The following BCL2L11 variants were observed in gnomAD, a reference collection of about 807,000 sequenced individuals.
The protein encoded by BCL2L11 is bcl-2-like protein 11.
A neutral mutation model predicts 20.6 loss-of-function variants in BCL2L11; 15 were observed. The observed-to-expected ratio is 0.73, with a 90% CI of 0.49 to 1.12. BCL2L11 has a LOEUF of 1.12. Ranked by LOEUF, BCL2L11 falls within the 50% of genes most tolerant of loss-of-function variation. BCL2L11 has a pLI of 0.00. For missense variants in BCL2L11, 292 were observed against 260.9 expected, an observed-to-expected ratio of 1.12 and a Z score of -0.82; for synonymous variants, 108 against 92.8, an observed-to-expected ratio of 1.16 and a Z score of -0.94.
At position 111,120,977 on chromosome 2, in the gene BCL2L11, G is replaced by T. The variant is rs2070756598; in HGVS notation, c.-225G>T. 7.1e-6 allele frequency: 2 copies of T among 283,382 alleles called. No homozygotes were observed. The allele number at this position is 283,382 out of a possible 1,614,324, so 17.6% of individuals were successfully genotyped here. A position where few individuals can be genotyped will look rare whatever the true frequency, so the allele number is the denominator to read the frequency against. On this transcript the variant is annotated 5_prime_UTR_variant, in exon 1 of 4. Coordinates refer to ENST00000393256, the MANE Select transcript of BCL2L11 (RefSeq NM_138621.5). Reference sequence around the variant, plus strand: ...GAGCTCTGCGTCCAGCGCCGCTGCCGCTGCCGCCGCCGCCGCCGCCGCCGC... The same window carrying T: ...GAGCTCTGCGTCCAGCGCCGCTGCCTCTGCCGCCGCCGCCGCCGCCGCCGC...
chr2:111,147,370 A>T (rs1396080804), intron 2 of BCL2L11, among the ~76,000 whole-genome samples: 3 of 150,640 alleles, frequency 2.0e-5, no homozygotes, highest in Non-Finnish European at 3.0e-5. Flanking sequence ...ACACACACAC[A>T]CACACACACA....
rs2076924375 is a variant in BCL2L11 at position 111,149,010 on chromosome 2, A to C, written c.395-1034A>C. 2.0e-5 allele frequency among the ~76,000 whole-genome samples: 3 copies of C among 152,184 alleles called. No individual in the cohort carries two copies. The South Asian group carries it at 6.2e-4, about 32-fold the overall frequency. On this transcript the variant is annotated intron_variant, in intron 2 of 3. Transcript: ENST00000393256. Reference sequence around the variant, plus strand: ...ACCTATTTTGTTCTGGTGAAAACGTAATATGTGTGTTTAATTGTGAGTACG... The same window carrying C: ...ACCTATTTTGTTCTGGTGAAAACGTCATATGTGTGTTTAATTGTGAGTACG...
chr2:111,131,290 T>C (rs999010888), intron 2 of BCL2L11: 3 of 151,832 alleles, frequency 2.0e-5, no homozygotes, highest in African/African-American at 7.3e-5. Flanking sequence ...TCTTAGTTTT[T>C]GTAGGATTGT....
chr2:111,162,701 T>A (rs2078702778), intron 3 of BCL2L11: 1 of 152,246 alleles, frequency 6.6e-6, no homozygotes, highest in Non-Finnish European at 1.5e-5. Flanking sequence ...ACACCAAGCA[T>A]GGCAATGACA....
At chr2:111,150,290 C>A (rs2077094104) in intron 3 of BCL2L11, 143 bp downstream of exon 3, 2 of 1,461,770 alleles carry the variant, frequency 1.4e-6, no homozygotes, top group Non-Finnish European at 1.8e-6. Context: ...TTCATTGTTT[C>A]TCCTTTCCCA....
intron 3 of BCL2L11, among the ~76,000 whole-genome samples, chr2:111,156,645 G>A (rs2077896612): frequency 6.6e-6 from 1 of 152,098 alleles, no homozygotes; most frequent in Non-Finnish European, 1.5e-5. Flanking sequence ...AGCGCGTTCT[G>A]TTACTCGTTG....
intron 3 of BCL2L11, among the ~76,000 whole-genome samples, chr2:111,151,251 C>G (rs1013673865): frequency 6.6e-6 from 1 of 152,132 alleles, no homozygotes; most frequent in Non-Finnish European, 1.5e-5. Context: ...GGAGTTAGTA[C>G]CATTGGGAAC....
intron 2 of BCL2L11, chr2:111,128,603 CTTT>C (rs58812324): frequency 1.2e-3 from 1,668 of 1,396,490 alleles, no homozygotes; most frequent in Admixed American, 4.1e-3. Context: ...CTTACCAACA[CTTT>C]TTTTTTTTTT....
chr2:111,152,208 A>G (rs1301997518), intron 3 of BCL2L11, among the ~76,000 whole-genome samples: 2 of 152,238 alleles, frequency 1.3e-5, no homozygotes, highest in African/African-American at 2.4e-5. Context: ...TAGGCAATGA[A>G]CTGACCATCC....
chr2:111,158,411 C>G (rs1041019853), intron 3 of BCL2L11, among the ~76,000 whole-genome samples: 1 of 152,160 alleles, frequency 6.6e-6, no homozygotes, highest in Non-Finnish European at 1.5e-5. Flanking sequence ...GCCCTCTCTT[C>G]TGCAGCCTGT....
chr2:111,134,779 G>A (rs766625462), intron 2 of BCL2L11, among the ~76,000 whole-genome samples: 2 of 152,212 alleles, frequency 1.3e-5, no homozygotes, highest in Non-Finnish European at 1.5e-5. Flanking sequence ...ATATCTTCAC[G>A]GAAGATAGAA....
chr2:111,120,973 T>C lies in BCL2L11; in HGVS notation c.-229T>C, dbSNP rs1339867052. On this transcript the variant is annotated 5_prime_UTR_variant, in exon 1 of 4. Transcript: ENST00000393256. Reference sequence around the variant, plus strand: ...GTTGGAGCTCTGCGTCCAGCGCCGCTGCCGCTGCCGCCGCCGCCGCCGCCG... The same window carrying C: ...GTTGGAGCTCTGCGTCCAGCGCCGCCGCCGCTGCCGCCGCCGCCGCCGCCG... 5.3e-4 allele frequency: 144 copies of C among 271,196 alleles called. No individual in the cohort carries two copies. In the African/African-American group the frequency reaches 0.011, roughly 21 times the overall value. 16.8% of individuals were successfully genotyped at this position (271,196 alleles called of 1,614,324 possible). A position where few individuals can be genotyped will look rare whatever the true frequency, so the allele number is the denominator to read the frequency against.
At chr2:111,122,508 C>A in intron 1 of BCL2L11, 1 of 697,334 alleles carries the variant, frequency 1.4e-6, no homozygotes, top group Non-Finnish European at 1.8e-6. Context: ...GCCGCCCCCA[C>A]CGCGGCTGCC....
rs2071883937 is a variant in BCL2L11 at position 111,124,002 on chromosome 2, C to T, written c.257C>T (p.Ser86Phe). The stretch of plus-strand genomic sequence containing the variant: ...CCGCTTTTCATCTTTATGAGAAGAT[C>T]CTCCCTGCTGTCTCGATCCTCCAGT... The part of the protein sequence containing the change: ...RSPLFIFMRR[S>F]SLLSRSSSGY... The change falls in exon 2 of 4, where the codon TCC becomes TTC. Residue 86 changes from serine to phenylalanine, a missense_variant. By Grantham distance (155) the Ser-to-Phe change is radical. Coordinates refer to ENST00000393256, the MANE Select transcript of BCL2L11 (RefSeq NM_138621.5). 5 of 1,614,228 alleles carry T rather than the reference C, an allele frequency of 3.1e-6. No individual in the cohort carries two copies. The highest frequency in any genetic ancestry group is 4.2e-6 in the Non-Finnish European group (5 of 1,180,046).
intron 2 of BCL2L11, among the ~76,000 whole-genome samples, chr2:111,128,188 A>G (rs1453473186): frequency 6.6e-6 from 1 of 152,090 alleles, no homozygotes; most frequent in Non-Finnish European, 1.5e-5. Flanking sequence ...AGTGAAATTT[A>G]TATAGTATTT....
At chr2:111,159,699 G>C (rs184701042) in intron 3 of BCL2L11, among the ~76,000 whole-genome samples, 1 of 152,226 alleles carries the variant, frequency 6.6e-6, no homozygotes, top group Non-Finnish European at 1.5e-5. Flanking sequence ...GTCGTCCCAA[G>C]TGTAAATTGA....
chr2:111,125,046 T>A (rs151103110), intron 2 of BCL2L11, among the ~76,000 whole-genome samples: 1 of 152,232 alleles, frequency 6.6e-6, no homozygotes, highest in Non-Finnish European at 1.5e-5. Context: ...GGAACTGACC[T>A]GGTGGAGACT....
intron 2 of BCL2L11, among the ~76,000 whole-genome samples, chr2:111,141,070 G>A (rs2075720697): frequency 6.6e-6 from 1 of 152,196 alleles, no homozygotes; most frequent in African/African-American, 2.4e-5. Flanking sequence ...TCCTCCCATA[G>A]GCCTATTAAC....
At chr2:111,144,869 T>C (rs1559058398) in intron 2 of BCL2L11, among the ~76,000 whole-genome samples, 2 of 152,218 alleles carry the variant, frequency 1.3e-5, no homozygotes, top group Non-Finnish European at 2.9e-5. Flanking sequence ...AGCCCTGCAA[T>C]GTCTGAAGGA....
Sources: allele counts gnomAD v4.1 joint callset (sites outside exome capture counted in the v4.1 genomes callset), GRCh38; gene constraint gnomAD v4.1.1; transcripts MANE v1.5; gene names NCBI Gene and HGNC (gene_info 2026-07-23, HGNC 2026-07-21).